TMOD1: variants seen among roughly 807,000 people sequenced by gnomAD.
TMOD1 encodes tropomodulin-1.
A neutral mutation model predicts 40.6 loss-of-function variants in TMOD1; 17 were observed. The ratio of observed to expected loss-of-function variants is 0.42; its 90% CI spans 0.29 to 0.63. The LOEUF (loss-of-function observed/expected upper bound fraction) is 0.63, where lower values mean the gene tolerates loss of function less well. Among genes scored for constraint, TMOD1 ranks in the 20% least tolerant of loss-of-function variants. The pLI is 0.22. For missense variants in TMOD1, 391 were observed against 447.6 expected (o/e 0.87, Z 1.14); for synonymous variants, 181 against 175.0 (o/e 1.03, Z -0.27).
At chr9:97,581,825 C>T (rs1485677043) in intron 8 of TMOD1, among the ~76,000 whole-genome samples, 2 of 151,630 alleles carry the variant, frequency 1.3e-5, no homozygotes, top group African/African-American at 2.4e-5. Flanking sequence ...GTCCTTCGCC[C>T]ACTTTTTGAT....
chr9:97,591,193 C>A (rs1183314847), intron 8 of TMOD1, 98 bp from the exon 9 acceptor site: 2 of 1,311,458 alleles, frequency 1.5e-6, no homozygotes, highest in Non-Finnish European at 2.0e-6. Context: ...TCCCCTCCCA[C>A]TACTCAAGAG....
intron 8 of TMOD1, among the ~76,000 whole-genome samples, chr9:97,585,610 G>T (rs1825852537): frequency 6.9e-6 from 1 of 144,644 alleles, no homozygotes; most frequent in Non-Finnish European, 1.5e-5. Context: ...TTTCCAACTT[G>T]GTTCCATTCT....
At chr9:97,542,550 G>A (rs779071539) in intron 2 of TMOD1, among the ~76,000 whole-genome samples, 2 of 152,086 alleles carry the variant, frequency 1.3e-5, no homozygotes, top group Admixed American at 1.3e-4. Flanking sequence ...GGGCAATTTT[G>A]CCCCTCAAAG....
intron 8 of TMOD1, among the ~76,000 whole-genome samples, chr9:97,583,289 A>G (rs1825798118): frequency 1.4e-5 from 2 of 145,110 alleles, no homozygotes; most frequent in South Asian, 2.3e-4. Flanking sequence ...CTCTGTTTAT[A>G]TGCTGGATTA....
chr9:97,511,839 C>T (rs1829705113), intron 1 of TMOD1, among the ~76,000 whole-genome samples: 1 of 113,208 alleles, frequency 8.8e-6, no homozygotes. Context: ...CCTGCCTCTG[C>T]CTCCCAAAGT....
intron 4 of TMOD1, among the ~76,000 whole-genome samples, chr9:97,554,887 A>G (rs532288733): frequency 1.3e-5 from 2 of 152,258 alleles, no homozygotes; most frequent in East Asian, 1.9e-4. Flanking sequence ...AGAAGACTCA[A>G]CTATACACAA....
chr9:97,528,954 T>A (rs1830057519), intron 2 of TMOD1, among the ~76,000 whole-genome samples: 1 of 152,244 alleles, frequency 6.6e-6, no homozygotes, highest in East Asian at 1.9e-4. Context: ...TTGACCATCA[T>A]CATGATCCTA....
At chr9:97,509,447 T>C (rs988804210) in intron 1 of TMOD1, among the ~76,000 whole-genome samples, 3 of 152,098 alleles carry the variant, frequency 2.0e-5, no homozygotes, top group Non-Finnish European at 4.4e-5. Flanking sequence ...CTCAATGTCT[T>C]ATTGAATTTT....
chr9:97,550,154 T>C (rs1464888203), intron 3 of TMOD1, among the ~76,000 whole-genome samples: 1 of 152,248 alleles, frequency 6.6e-6, no homozygotes, highest in African/African-American at 2.4e-5. Flanking sequence ...ACTTTGTGTG[T>C]CTGGCTTCTT....
intron 9 of TMOD1, among the ~76,000 whole-genome samples, chr9:97,594,097 A>G (rs941484017): frequency 1.1e-4 from 16 of 152,276 alleles, no homozygotes; most frequent in Admixed American, 3.3e-4. Context: ...TGGGAAGCAG[A>G]GACCGTGGCA....
intron 1 of TMOD1, among the ~76,000 whole-genome samples, chr9:97,505,948 G>A (rs1368314403): frequency 6.6e-6 from 1 of 151,892 alleles, no homozygotes; most frequent in African/African-American, 2.4e-5. Flanking sequence ...CTCCCTTCAG[G>A]GACTCCCCAT....
intron 1 of TMOD1, among the ~76,000 whole-genome samples, chr9:97,512,326 A>C (rs1315408426): frequency 6.6e-6 from 1 of 152,244 alleles, no homozygotes; most frequent in Non-Finnish European, 1.5e-5. Context: ...GTAGAAATGT[A>C]AAATTGTAAA....
At chr9:97,578,279 T>G (rs1825656955) in intron 8 of TMOD1, among the ~76,000 whole-genome samples, 1 of 152,338 alleles carries the variant, frequency 6.6e-6, no homozygotes, top group Admixed American at 6.5e-5. Flanking sequence ...GGTCTCGATC[T>G]CCTGACCTCG....
intron 7 of TMOD1, among the ~76,000 whole-genome samples, chr9:97,568,215 A>G (rs1830761940): frequency 6.6e-6 from 1 of 152,230 alleles, no homozygotes; most frequent in South Asian, 2.1e-4. Context: ...CAGGAGGTTG[A>G]GGCTCCACTG....
intron 1 of TMOD1, among the ~76,000 whole-genome samples, chr9:97,508,057 TCACACA>T (rs56669574): frequency 0.042 from 5,546 of 131,972 alleles, 138 homozygotes; most frequent in East Asian, 0.12. Flanking sequence ...TCTTCCTGAT[TCACACA>T]CACACACACA....
At chr9:97,598,185 C>T (rs886211091) in intron 9 of TMOD1, among the ~76,000 whole-genome samples, 8 of 151,878 alleles carry the variant, frequency 5.3e-5, no homozygotes, top group South Asian at 4.1e-4. Context: ...AAAAATTAGC[C>T]GGGTGTGGCA....
chr9:97,515,321 C>A (rs1829788070), intron 1 of TMOD1, among the ~76,000 whole-genome samples: 1 of 152,016 alleles, frequency 6.6e-6, no homozygotes. Context: ...AATCTGTTAT[C>A]CAGGCTGGAG....
chr9:97,577,246 C>T (rs66475733), intron 8 of TMOD1, among the ~76,000 whole-genome samples: 12,008 of 152,170 alleles, frequency 0.079, 518 homozygotes, highest in African/African-American at 0.11. Flanking sequence ...AGTTCCTCAG[C>T]GTGTGGACAC....
At chr9:97,539,971 CAAAAAA>C (rs34844299) in intron 2 of TMOD1, among the ~76,000 whole-genome samples, 1 of 71,970 alleles carries the variant, frequency 1.4e-5, no homozygotes, top group Non-Finnish European at 2.7e-5. Context: ...GACTCTGTCT[CAAAAAA>C]AAAAAAAAAA....
Sources: allele counts gnomAD v4.1 joint callset (sites outside exome capture counted in the v4.1 genomes callset), GRCh38; gene constraint gnomAD v4.1.1; transcripts MANE v1.5; gene names NCBI Gene and HGNC (gene_info 2026-07-23, HGNC 2026-07-21).